The following NOP9 variants were observed in gnomAD, a reference collection of about 807,000 sequenced individuals.
NOP9 encodes the protein nucleolar protein 9.
Under a neutral mutation model 63.0 loss-of-function variants are expected in NOP9, and 50 were observed. The ratio of observed to expected loss-of-function variants is 0.79; its 90% CI spans 0.63 to 1.00. NOP9 has a LOEUF of 1.00. Ranked by LOEUF, NOP9 falls within the 50% of genes least tolerant of loss-of-function variation. The pLI is 0.00. For missense variants in NOP9, 758 were observed against 803.0 expected (o/e 0.94, Z 0.68); for synonymous variants, 343 against 332.8 (o/e 1.03, Z -0.33).
chr14:24,288,648 A>G, the NOP9 span, among the ~76,000 whole-genome samples: 2 of 151,916 alleles, frequency 1.3e-5, no homozygotes, highest in Admixed American at 1.3e-4. Flanking sequence ...GCGCCCGACC[A>G]GGAATTGACA....
chr14:24,303,615 T>G, intron 6 of NOP9, 117 bp from the exon 7 acceptor site: 6 of 1,035,570 alleles, frequency 5.8e-6, no homozygotes, highest in South Asian at 1.4e-5. Context: ...TCTGCTTTCA[T>G]GGAGCTAACA....
chr14:24,304,898 T>C, intron 9 of NOP9, 40 bp from the exon 10 acceptor site: 1 of 1,495,498 alleles, frequency 6.7e-7, no homozygotes, highest in Non-Finnish European at 8.9e-7. Context: ...AGTCTGTCTT[T>C]GAGCATGGTA....
At position 24,300,404 on chromosome 14, in the gene NOP9, T is replaced by A; in HGVS notation, c.248-4T>A. On this transcript the variant is annotated splice_region_variant and splice_polypyrimidine_tract_variant and intron_variant, in intron 1 of 9. Coordinates refer to ENST00000267425, the MANE Select transcript of NOP9 (RefSeq NM_174913.3). Reference sequence around the variant, plus strand: ...TTCAAAGTGTGTCTTTCTTCCCTTTTCAGATCTGATGGTGCACAATATAAT... The same window carrying A: ...TTCAAAGTGTGTCTTTCTTCCCTTTACAGATCTGATGGTGCACAATATAAT... 2 of 1,608,908 alleles carry A rather than the reference T, an allele frequency of 1.2e-6. No homozygotes were observed. The highest frequency in any genetic ancestry group is 1.7e-6 in the Non-Finnish European group (2 of 1,177,102).
Position 24,300,750 on chromosome 14 carries a change from A to G in NOP9, c.590A>G (p.Tyr197Cys). 1.2e-6 allele frequency: 2 copies of G among 1,614,030 alleles called. No individual in the cohort carries two copies. Among genetic ancestry groups the G allele is most frequent in the Non-Finnish European group, 8.5e-7 (1 of 1,179,990 alleles). Residue 197 changes from tyrosine to cysteine, a missense_variant, in exon 2 of 10, where the codon TAC (tyrosine) becomes TGC (cysteine). By Grantham distance (194) the Tyr-to-Cys change is radical. Transcript: ENST00000267425. ...AAEVCDDFLV[Y>C]CGDTHGSFVV... ...GAGGTGTGTGATGATTTTCTTGTCT[A>G]CTGTGGAGACACACATGGCAGCTTC...
Position 24,300,904 on chromosome 14 carries a change from G to A in NOP9, c.697+47G>A, listed in dbSNP as rs762686517. The A allele has an allele frequency of 1.4e-5, 20 of 1,470,262 alleles. No homozygotes were observed. In the South Asian group the frequency reaches 2.5e-4, roughly 18 times the overall value. The allele number at this position is 1,470,262 out of a possible 1,614,324, so 91.1% of individuals were successfully genotyped here. On this transcript the variant is annotated intron_variant, in intron 2 of 9. Coordinates refer to ENST00000267425, the MANE Select transcript of NOP9 (RefSeq NM_174913.3). ...TGGACCTAGGGGGAAGAAGAATTTA[G>A]AAAGTTCAGAATGAGACAGTAAACA...
intron 3 of NOP9, 49 bp downstream of exon 3, chr14:24,301,771 C>A: frequency 1.3e-6 from 2 of 1,584,704 alleles, no homozygotes; most frequent in South Asian, 1.1e-5. Flanking sequence ...GTCTGGAGGT[C>A]ATCTTACCAC....
At chr14:24,302,963 C>A in intron 5 of NOP9, 111 bp from the exon 6 acceptor site, 1 of 1,308,108 alleles carries the variant, frequency 7.6e-7, no homozygotes, top group Non-Finnish European at 1.0e-6. Context: ...ACTGGCAATG[C>A]TTTTTATGTT....
chr14:24,291,968 C>T, the NOP9 span: 1 of 649,848 alleles, frequency 1.5e-6, no homozygotes, highest in Non-Finnish European at 2.6e-6. Context: ...ATGTGACCTT[C>T]AACAAGTTTC....
At chr14:24,288,323 T>TAG in the NOP9 span, among the ~76,000 whole-genome samples, 1 of 152,270 alleles carries the variant, frequency 6.6e-6, no homozygotes, top group East Asian at 1.9e-4. Flanking sequence ...AGCAGGCTGT[T>TAG]AGATTTATTT....
At chr14:24,271,251 G>C in the NOP9 span, 6 of 1,186,492 alleles carry the variant, frequency 5.1e-6, no homozygotes, top group South Asian at 1.0e-4. Flanking sequence ...AAGCGTGCCT[G>C]GGCAGAGACC....
chr14:24,272,047 C>T, the NOP9 span, among the ~76,000 whole-genome samples: 1 of 152,166 alleles, frequency 6.6e-6, no homozygotes, highest in South Asian at 2.1e-4. Flanking sequence ...CTCCAGGGCC[C>T]TTTCCTCACC....
In NOP9 at chr14:24,299,903, G is replaced by C; in HGVS notation, c.-52G>C. 1 of 1,503,170 alleles carries C rather than the reference G, an allele frequency of 6.7e-7. No homozygotes were observed. Among genetic ancestry groups the C allele is most frequent in the East Asian group, 2.3e-5 (1 of 43,580 alleles). 93.1% of individuals were successfully genotyped at this position (1,503,170 alleles called of 1,614,324 possible). A position where few individuals can be genotyped will look rare whatever the true frequency, so the allele number is the denominator to read the frequency against. The stretch of plus-strand genomic sequence containing the variant: ...AGGCGCACGCTTGGCGACGTCGAAG[G>C]TCCGTCCGCAGTTAAGGAAGCTTTT... On this transcript the variant is annotated 5_prime_UTR_variant, in exon 1 of 10. Coordinates refer to ENST00000267425, the MANE Select transcript of NOP9 (RefSeq NM_174913.3).
the NOP9 span, among the ~76,000 whole-genome samples, chr14:24,276,275 G>T: frequency 6.6e-6 from 1 of 151,364 alleles, no homozygotes; most frequent in East Asian, 2.0e-4. Flanking sequence ...TACATGGGAG[G>T]CTGAGGCAGG....
At position 24,305,160 on chromosome 14, in the gene NOP9, T is replaced by C. The variant is rs1163034095; in HGVS notation, c.*65T>C. On this transcript the variant is annotated 3_prime_UTR_variant, in exon 10 of 10. Coordinates refer to ENST00000267425, the MANE Select transcript of NOP9 (RefSeq NM_174913.3). ...AAATGGGGTATCCACCCCATCCCTT[T>C]CCTGGTTTAAATTGGAGTCAGAAGT... The C allele has an allele frequency of 7.4e-7, 1 of 1,345,848 alleles. No individual in the cohort carries two copies. Among genetic ancestry groups the C allele is most frequent in the Non-Finnish European group, 9.7e-7 (1 of 1,030,312 alleles). The allele number at this position is 1,345,848 out of a possible 1,614,324, so 83.4% of individuals were successfully genotyped here. A position where few individuals can be genotyped will look rare whatever the true frequency, so the allele number is the denominator to read the frequency against.
At chr14:24,301,891 TTGCC>T in intron 3 of NOP9, 70 bp from the exon 4 acceptor site, 1 of 1,526,856 alleles carries the variant, frequency 6.5e-7, no homozygotes, top group Non-Finnish European at 9.0e-7. Flanking sequence ...CTGTATCTTG[TTGCC>T]TAAAGTTTGA....
the NOP9 span, chr14:24,291,608 T>C: frequency 6.2e-7 from 1 of 1,614,206 alleles, no homozygotes; most frequent in Non-Finnish European, 8.5e-7. Context: ...TTTCCGCAGA[T>C]GAGAAGGCTG....
chr14:24,304,104 C>T lies in NOP9; in HGVS notation c.1474C>T (p.His492Tyr), dbSNP rs1031197143. The T allele has an allele frequency of 2.5e-6, 4 of 1,614,252 alleles. No homozygotes were observed. The highest frequency in any genetic ancestry group is 3.4e-6 in the Non-Finnish European group (4 of 1,180,044). Residue 492 changes from histidine (H) to tyrosine (Y), a missense_variant, in exon 8 of 10, where the codon CAT (histidine) becomes TAT (tyrosine). Coordinates refer to ENST00000267425, the MANE Select transcript of NOP9 (RefSeq NM_174913.3). ...VTVLGSLLLQ[H>Y]LLHFSTPGLV... is the part of the protein sequence containing the mutation. ...AGTCCTTGGGTCTCTACTGCTCCAGCATCTGCTGCACTTCTCCACTCCTGG... is the reference window on the plus strand; with the variant it reads ...AGTCCTTGGGTCTCTACTGCTCCAGTATCTGCTGCACTTCTCCACTCCTGG...
At position 24,299,871 on chromosome 14, in the gene NOP9, C is replaced by G; in HGVS notation, c.-84C>G. 14 of 1,455,634 alleles carry G rather than the reference C, an allele frequency of 9.6e-6. No individual in the cohort carries two copies. Among genetic ancestry groups the G allele is most frequent in the Non-Finnish European group, 1.2e-5 (13 of 1,104,536 alleles). 90.2% of individuals were successfully genotyped at this position (1,455,634 alleles called of 1,614,324 possible). On this transcript the variant is annotated 5_prime_UTR_variant, in exon 1 of 10. Coordinates refer to ENST00000267425, the MANE Select transcript of NOP9 (RefSeq NM_174913.3). ...GCGCGCCCGCGTTTCTAAACTTTGT[C>G]TGGATAAGGCGCACGCTTGGCGACG...
At chr14:24,296,917 A>G, upstream of NOP9, 1 of 1,613,532 alleles carries the variant, frequency 6.2e-7, no homozygotes, top group Non-Finnish European at 8.5e-7. Context: ...TCACATTCAC[A>G]CATGGGTGTG....
Sources: gnomAD v4.1 joint callset for allele counts (sites outside exome capture counted in the v4.1 genomes callset) on GRCh38, gnomAD v4.1.1 for gene constraint, MANE v1.5 for transcripts, NCBI Gene and HGNC (gene_info 2026-07-23, HGNC 2026-07-21) for gene names.